Variants in EPHB1 observed in about 807,000 individuals in gnomAD.
The protein encoded by EPHB1 is ephrin type-B receptor 1.
A neutral mutation model predicts 94.4 loss-of-function variants in EPHB1; 30 were observed. That is an observed-to-expected ratio of 0.32 (90% CI 0.24 to 0.43). The LOEUF (loss-of-function observed/expected upper bound fraction) is 0.43, where lower values mean the gene tolerates loss of function less well. Ranked by LOEUF, EPHB1 falls within the 20% of genes least tolerant of loss-of-function variation. The pLI is 1.00. For missense variants in EPHB1, 1,055 were observed against 1,308.3 expected (o/e 0.81, Z 2.99); for synonymous variants, 522 against 489.1 (o/e 1.07, Z -0.89).
intron 3 of EPHB1, among the ~76,000 whole-genome samples, chr3:134,995,609 C>T (rs1324363669): frequency 1.3e-5 from 2 of 152,082 alleles, no homozygotes; most frequent in African/African-American, 2.4e-5. Flanking sequence ...TATCACTACA[C>T]AGCAAACAGA....
chr3:135,023,810 C>T (rs2107755708), intron 3 of EPHB1, among the ~76,000 whole-genome samples: 1 of 152,294 alleles, frequency 6.6e-6, no homozygotes, highest in Non-Finnish European at 1.5e-5. Flanking sequence ...GAAACTGTGT[C>T]AGGCATTGCT....
At chr3:135,028,003 T>G (rs1471370984) in intron 3 of EPHB1, among the ~76,000 whole-genome samples, 12 of 146,180 alleles carry the variant, frequency 8.2e-5, no homozygotes, top group Admixed American at 7.0e-5. Context: ...TTTTCTAGTT[T>G]ATTTGCGTAG....
At chr3:135,257,307 T>G (rs1403207829) in intron 15 of EPHB1, among the ~76,000 whole-genome samples, 1 of 152,222 alleles carries the variant, frequency 6.6e-6, no homozygotes, top group Admixed American at 6.5e-5. Context: ...TTTTTAAAGT[T>G]TCCACCTTTT....
At chr3:135,150,139 G>A (rs767474357) in intron 5 of EPHB1, among the ~76,000 whole-genome samples, 5 of 152,168 alleles carry the variant, frequency 3.3e-5, no homozygotes, top group Non-Finnish European at 7.3e-5. Flanking sequence ...AACCAAGCCC[G>A]GCAAAATCCT....
intron 1 of EPHB1, among the ~76,000 whole-genome samples, chr3:134,850,995 C>T (rs867165294): frequency 5.9e-5 from 9 of 152,260 alleles, no homozygotes; most frequent in African/African-American, 1.7e-4. Context: ...GGGCCTGGAC[C>T]AGGAAAGGCC....
chr3:135,228,722 G>A (rs1348814105), intron 12 of EPHB1, among the ~76,000 whole-genome samples: 6 of 151,730 alleles, frequency 4.0e-5, no homozygotes, highest in African/African-American at 1.2e-4. Flanking sequence ...ACTGAGAGTC[G>A]GGCAGTCTGA....
At chr3:134,925,578 C>T (rs1180645646) in intron 1 of EPHB1, among the ~76,000 whole-genome samples, 3 of 152,132 alleles carry the variant, frequency 2.0e-5, no homozygotes, top group African/African-American at 7.2e-5. Context: ...GAGCACTGGA[C>T]TTAGCATCAG....
intron 5 of EPHB1, among the ~76,000 whole-genome samples, chr3:135,145,521 C>G (rs1940983739): frequency 6.6e-6 from 1 of 152,198 alleles, no homozygotes; most frequent in Non-Finnish European, 1.5e-5. Flanking sequence ...AAGGCCCTAG[C>G]AGCTCTGATT....
Position 135,192,724 on chromosome 3 carries a change from T to C in EPHB1, c.2031T>C (p.His677=). 6.2e-7 allele frequency: 1 copy of C among 1,614,144 alleles called. No individual in the cohort carries two copies. Among genetic ancestry groups the C allele is most frequent in the Non-Finnish European group, 8.5e-7 (1 of 1,180,026 alleles). The change falls in exon 11 of 16, where the codon CAT becomes CAC. Residue 677 remains histidine (H), a synonymous_variant. Coordinates refer to ENST00000398015, the MANE Select transcript of EPHB1 (RefSeq NM_004441.5). The part of the protein sequence containing the change: ...SEASIMGQFD[H]PNIIRLEGVV... ...CGAGCATCATGGGCCAGTTCGACCA[T>C]CCTAACATCATTCGCCTGGAGGGTG...
At chr3:135,158,667 G>A (rs973427429) in intron 6 of EPHB1, among the ~76,000 whole-genome samples, 1 of 152,158 alleles carries the variant, frequency 6.6e-6, no homozygotes, top group Admixed American at 6.5e-5. Flanking sequence ...TCAAGCTGAT[G>A]ACACTCCTGG....
At position 134,846,927 on chromosome 3, in the gene EPHB1, G is replaced by T. The variant is rs569455379; in HGVS notation, c.58+51238G>T. ...TCCTGGCAGGAAATTTGTTCTTTTG[G>T]ATTCTGTAGCTGCAGACAGAATGAT... On this transcript the variant is annotated intron_variant, in intron 1 of 15. Transcript: ENST00000398015. Among the ~76,000 whole-genome samples, 6 of 152,270 alleles carry T rather than the reference G, an allele frequency of 3.9e-5. No homozygotes were observed. The South Asian group carries it at 1.0e-3, about 26-fold the overall frequency.
In EPHB1 at chr3:135,162,095, G is replaced by A. The variant is rs1941524614; in HGVS notation, c.1500G>A (p.Met500Ile). Reference protein sequence around the residue: ...TARIDGLRPGMVYVVQVRART... With the variant: ...TARIDGLRPGIVYVVQVRART... ...GGATTGATGGGCTGCGGCCTGGCAT[G>A]GTATATGTGGTACAGGTGCGTGCCC... The change falls in exon 7 of 16, where the codon ATG becomes ATA. Residue 500 changes from methionine to isoleucine, a missense_variant. By Grantham distance (10) the Met-to-Ile change is conservative. Transcript: ENST00000398015. The A allele has an allele frequency of 6.2e-7, 1 of 1,613,632 alleles. No homozygotes were observed. Among genetic ancestry groups the A allele is most frequent in the African/African-American group, 1.3e-5 (1 of 75,038 alleles).
chr3:134,847,230 G>T (rs1050255093), intron 1 of EPHB1, among the ~76,000 whole-genome samples: 2 of 152,084 alleles, frequency 1.3e-5, no homozygotes, highest in Non-Finnish European at 2.9e-5. Context: ...TTGGACAGCA[G>T]CAGGGCAAGG....
chr3:134,846,365 G>A (rs1302222132), intron 1 of EPHB1, among the ~76,000 whole-genome samples: 3 of 152,224 alleles, frequency 2.0e-5, no homozygotes, highest in Non-Finnish European at 4.4e-5. Flanking sequence ...TTGGAGGAAT[G>A]TTAGTGCAGC....
intron 2 of EPHB1, among the ~76,000 whole-genome samples, chr3:134,940,246 T>A (rs904991267): frequency 3.3e-5 from 5 of 152,222 alleles, no homozygotes; most frequent in Non-Finnish European, 7.3e-5. Context: ...ATAATCACGA[T>A]GATGATGATC....
chr3:135,120,693 TC>T (rs1277305684), intron 4 of EPHB1, among the ~76,000 whole-genome samples: 1 of 152,252 alleles, frequency 6.6e-6, no homozygotes, highest in Non-Finnish European at 1.5e-5. Context: ...GAGGGCCTTT[TC>T]TGGATACCTG....
intron 3 of EPHB1, among the ~76,000 whole-genome samples, chr3:134,989,554 T>C (rs2107737300): frequency 6.6e-6 from 1 of 151,860 alleles, no homozygotes; most frequent in South Asian, 2.1e-4. Flanking sequence ...ATCCAGAAAC[T>C]ACTATTGTTA....
At position 135,259,213 on chromosome 3, in the gene EPHB1, G is replaced by T; in HGVS notation, c.*93G>T. 1.0e-6 allele frequency: 1 copy of T among 976,458 alleles called. No individual in the cohort carries two copies. The highest frequency in any genetic ancestry group is 2.7e-5 in the East Asian group (1 of 37,622). The allele number at this position is 976,458 out of a possible 1,614,324, so 60.5% of individuals were successfully genotyped here. On this transcript the variant is annotated 3_prime_UTR_variant, in exon 16 of 16. Transcript: ENST00000398015. ...CACTGTGGAATGTACTGGAGAGACT[G>T]GCTTCTCAGCTGAGGAATGCATTTC...
chr3:135,112,513 A>G (rs560389682), intron 4 of EPHB1, among the ~76,000 whole-genome samples: 13 of 147,510 alleles, frequency 8.8e-5, no homozygotes, highest in Admixed American at 1.3e-4. Flanking sequence ...AGCATTAGGT[A>G]TATCTCCTAA....
Sources: allele counts gnomAD v4.1 joint callset (sites outside exome capture counted in the v4.1 genomes callset), GRCh38; gene constraint gnomAD v4.1.1; transcripts MANE v1.5; gene names NCBI Gene and HGNC (gene_info 2026-07-23, HGNC 2026-07-21).